Variants in ABCC2 observed in about 807,000 individuals in gnomAD.
ABCC2 encodes the protein ATP-binding cassette sub-family C member 2.
Under a neutral mutation model 173.4 loss-of-function variants are expected in ABCC2, and 157 were observed. The observed-to-expected ratio is 0.91, with a 90% CI of 0.80 to 1.03. ABCC2 has a LOEUF of 1.03. Ranked by LOEUF, ABCC2 falls within the 50% of genes least tolerant of loss-of-function variation. The pLI is 0.00. For missense variants in ABCC2, 1,822 were observed against 1,852.3 expected (o/e 0.98, Z 0.30); for synonymous variants, 657 against 693.5 (o/e 0.95, Z 0.83).
At chr10:99,849,182 A>G (rs1468510075) in intron 30 of ABCC2, among the ~76,000 whole-genome samples, 1 of 152,168 alleles carries the variant, frequency 6.6e-6, no homozygotes, top group Non-Finnish European at 1.5e-5. Flanking sequence ...GTGAGCTGAG[A>G]TTGCGCCATT....
chr10:99,790,205 A>G (rs770508239), intron 2 of ABCC2, among the ~76,000 whole-genome samples: 2 of 152,232 alleles, frequency 1.3e-5, no homozygotes, highest in Non-Finnish European at 2.9e-5. Context: ...CCTTGGTCTC[A>G]TCAACTTTGT....
At chr10:99,847,292 T>C (rs535495753) in intron 30 of ABCC2, among the ~76,000 whole-genome samples, 165 bp downstream of exon 30, 25 of 152,358 alleles carry the variant, frequency 1.6e-4, no homozygotes, top group African/African-American at 6.0e-4. Context: ...AAAATAGATG[T>C]GAAAGTGCTT....
rs953532037 is a variant in ABCC2 at position 99,812,883 on chromosome 10, T to C, written c.1968-135T>C. The C allele has an allele frequency of 8.7e-6, 10 of 1,146,716 alleles. No homozygotes were observed. The African/African-American group carries it at 1.2e-4, about 14-fold the overall frequency. The allele number at this position is 1,146,716 out of a possible 1,614,324, so 71.0% of individuals were successfully genotyped here. On this transcript the variant is annotated intron_variant, in intron 15 of 31. Coordinates refer to ENST00000647814, the MANE Select transcript of ABCC2 (RefSeq NM_000392.5). ...TAAAGAAGCACTTTGGGGTCTTGTA[T>C]ATCCAAGGCAAATTTTCCAATCTTG... is the stretch of plus-strand genomic sequence containing the variant.
chr10:99,800,407 T>C lies in ABCC2; in HGVS notation c.1053T>C (p.Ser351=), dbSNP rs781035546. 4.3e-6 allele frequency: 7 copies of C among 1,614,186 alleles called. No homozygotes were observed. The highest frequency in any genetic ancestry group is 5.9e-6 in the Non-Finnish European group (7 of 1,180,020). The change falls in exon 9 of 32, where the codon AGT becomes AGC. Residue 351 remains serine, a synonymous_variant. Coordinates refer to ENST00000647814, the MANE Select transcript of ABCC2 (RefSeq NM_000392.5). The part of the protein sequence containing the change: ...QLLKLLISFA[S]DRDTYLWIGY... ...GCAGATTGCTGATCTCCTTTGCAAGTGACCGTGACACATATTTGTGGATTG... is the reference window on the plus strand; with the variant it reads ...GCAGATTGCTGATCTCCTTTGCAAGCGACCGTGACACATATTTGTGGATTG...
intron 11 of ABCC2, among the ~76,000 whole-genome samples, chr10:99,805,986 G>A (rs1452699672): frequency 6.6e-6 from 1 of 151,840 alleles, no homozygotes; most frequent in Non-Finnish European, 1.5e-5. Flanking sequence ...TTGTTTTGCT[G>A]TTGGTTAGAT....
chr10:99,788,342 A>T (rs2037754346), intron 2 of ABCC2, among the ~76,000 whole-genome samples: 1 of 152,038 alleles, frequency 6.6e-6, no homozygotes, highest in African/African-American at 2.4e-5. Context: ...AAGCAGCCAA[A>T]CTCGTACTGA....
chr10:99,832,279 G>A, intron 23 of ABCC2, 148 bp downstream of exon 23: 1 of 996,850 alleles, frequency 1.0e-6, no homozygotes, highest in Non-Finnish European at 1.5e-6. Flanking sequence ...TACCTGCTGT[G>A]AGCTCCCAAG....
chr10:99,820,130 G>A (rs1228891559), intron 19 of ABCC2, among the ~76,000 whole-genome samples: 9 of 152,234 alleles, frequency 5.9e-5, no homozygotes, highest in Non-Finnish European at 8.8e-5. Flanking sequence ...GATGGCTCAC[G>A]CCTGTAATCC....
chr10:99,831,922 A>C, intron 22 of ABCC2, 55 bp from the exon 23 acceptor site: 1 of 1,614,002 alleles, frequency 6.2e-7, no homozygotes, highest in South Asian at 1.1e-5. Context: ...TGTCCTGGGC[A>C]CAAGTCTTCA....
intron 16 of ABCC2, among the ~76,000 whole-genome samples, chr10:99,815,694 C>T (rs1590168532): frequency 6.6e-6 from 1 of 152,026 alleles, no homozygotes; most frequent in South Asian, 2.1e-4. Flanking sequence ...CTAAGGGTTT[C>T]TTTTTAAGTA....
rs1435128805 is a variant in ABCC2, at chr10:99,851,638, G to GC, written c.*11dup. ...GAACAGCACAAAATTCTAGCAGAAG[G>GC]CCCCATGGGTTAGAAAAGGACTATA... On this transcript the variant is annotated 3_prime_UTR_variant, in exon 32 of 32. Coordinates refer to ENST00000647814, the MANE Select transcript of ABCC2 (RefSeq NM_000392.5). 1.2e-6 allele frequency: 2 copies of GC among 1,613,650 alleles called. No homozygotes were observed.
intron 13 of ABCC2, 138 bp downstream of exon 13, chr10:99,808,367 A>AAAC: frequency 1.7e-6 from 2 of 1,198,650 alleles, no homozygotes; most frequent in Non-Finnish European, 2.4e-6. Flanking sequence ...TCTGGAGACC[A>AAAC]ATGGTTTGAC....
At chr10:99,799,439 T>G in intron 8 of ABCC2, 69 bp downstream of exon 8, 2 of 1,543,128 alleles carry the variant, frequency 1.3e-6, no homozygotes, top group Non-Finnish European at 8.9e-7. Flanking sequence ...CCACTGTGTA[T>G]GCAAGCAGGA....
intron 16 of ABCC2, among the ~76,000 whole-genome samples, chr10:99,814,797 A>ATGTATATACACACACACATG (rs1564686256): frequency 1.0e-4 from 14 of 138,314 alleles, no homozygotes; most frequent in Admixed American, 4.9e-4. Context: ...ACACACACAT[A>ATGTATATACACACACACATG]TGTGTGTGTG....
chr10:99,844,396 A>C lies in ABCC2; in HGVS notation c.3918A>C (p.Gln1306His), dbSNP rs1166362650. The C allele has an allele frequency of 9.3e-6, 15 of 1,614,248 alleles. No individual in the cohort carries two copies. Among genetic ancestry groups the C allele is most frequent in the Non-Finnish European group, 1.3e-5 (15 of 1,180,050 alleles). The change falls in exon 28 of 32, where the codon CAA (glutamine) becomes CAC (histidine). Residue 1306 changes from glutamine to histidine, a missense_variant. By Grantham distance (24) the Gln-to-His change is conservative (BLOSUM62 0). Coordinates refer to ENST00000647814, the MANE Select transcript of ABCC2 (RefSeq NM_000392.5). ...GCAAGATCCAGTTTAACAACTACCA[A>C]GTGCGGTACCGACCTGAGCTGGATC... ...SKGKIQFNNY[Q>H]VRYRPELDLV...
At position 99,804,117 on chromosome 10, in the gene ABCC2, C is replaced by T. The variant is rs1328234511; in HGVS notation, c.1308C>T (p.Asn436=). 3.7e-6 allele frequency: 6 copies of T among 1,614,020 alleles called. No homozygotes were observed. The highest frequency in any genetic ancestry group is 2.2e-5 in the East Asian group (1 of 44,884). Residue 436 remains asparagine (N), a synonymous_variant, in exon 10 of 32, where the codon AAC becomes AAT. Transcript: ENST00000647814. ...CCCAGAAGCTCATGGATGTGACCAACTTCATGCACATGCTGTGGTCAAGTG... is the reference window on the plus strand; with the variant it reads ...CCCAGAAGCTCATGGATGTGACCAATTTCATGCACATGCTGTGGTCAAGTG... ...VDAQKLMDVT[N]FMHMLWSSVL...
intron 16 of ABCC2, among the ~76,000 whole-genome samples, chr10:99,815,504 T>A (rs189429379): frequency 4.0e-5 from 6 of 149,658 alleles, no homozygotes; most frequent in Admixed American, 6.7e-5. Flanking sequence ...CTAATTATGC[T>A]TTTTTTTTTA....
intron 10 of ABCC2, among the ~76,000 whole-genome samples, chr10:99,805,151 G>A (rs1185016817): frequency 6.6e-6 from 1 of 152,104 alleles, no homozygotes; most frequent in Non-Finnish European, 1.5e-5. Flanking sequence ...TCAGGCAAGG[G>A]CTATGGGACA....
Position 99,847,013 on chromosome 10 carries a change from A to T in ABCC2, c.4199A>T (p.Asn1400Ile). The T allele has an allele frequency of 6.2e-7, 1 of 1,614,094 alleles. No individual in the cohort carries two copies. Among genetic ancestry groups the T allele is most frequent in the Non-Finnish European group, 8.5e-7 (1 of 1,180,020 alleles). The part of the protein sequence containing the change: ...SLRMNLDPFN[N>I]YSDEEIWKAL... ...AGGATGAATCTCGACCCTTTCAACA[A>T]CTACTCAGATGAGGAGATTTGGAAG... The change falls in exon 30 of 32, where the codon AAC becomes ATC. Residue 1400 changes from asparagine to isoleucine, a missense_variant. Transcript: ENST00000647814.
Sources: allele counts gnomAD v4.1 joint callset (sites outside exome capture counted in the v4.1 genomes callset), GRCh38; gene constraint gnomAD v4.1.1; transcripts MANE v1.5; gene names NCBI Gene and HGNC (gene_info 2026-07-23, HGNC 2026-07-21).